Variants in RGPD4 observed in about 807,000 individuals in gnomAD.
RGPD4 encodes ranBP2-like and GRIP domain-containing protein 4.
In RGPD4, 84 loss-of-function variants were observed where a neutral mutation model predicts 141.1. The observed-to-expected ratio is 0.60, with a 90% CI of 0.50 to 0.71. The LOEUF (loss-of-function observed/expected upper bound fraction) is 0.71, where lower values mean the gene tolerates loss of function less well. Ranked by LOEUF, RGPD4 falls within the 30% of genes least tolerant of loss-of-function variation. The pLI is 0.00. For synonymous variants in RGPD4, 298 were observed against 566.8 expected, an observed-to-expected ratio of 0.53 and a Z score of 6.74; for missense variants, 918 against 1,622.4, an observed-to-expected ratio of 0.57 and a Z score of 7.46.
intron 17 of RGPD4, among the ~76,000 whole-genome samples, chr2:107,865,518 G>A (rs1234722836): frequency 1.3e-5 from 2 of 148,396 alleles, no homozygotes; most frequent in Non-Finnish European, 3.0e-5. Context: ...AAGAAGTTTA[G>A]TTTGTAGGTA....
intron 21 of RGPD4, among the ~76,000 whole-genome samples, chr2:107,881,510 G>A (rs1675365189): frequency 6.6e-6 from 1 of 151,376 alleles, no homozygotes; most frequent in African/African-American, 2.4e-5. Context: ...TAGAGGCATG[G>A]TTTCACCATG....
chr2:107,882,050 A>G (rs1675382153), intron 21 of RGPD4, among the ~76,000 whole-genome samples: 1 of 151,946 alleles, frequency 6.6e-6, no homozygotes, highest in Non-Finnish European at 1.5e-5. Context: ...TAGAAGGCAG[A>G]GGGAACATCT....
chr2:107,861,682 G>T lies in RGPD4; in HGVS notation c.2147G>T (p.Arg716Met). The T allele has an allele frequency of 6.2e-7, 1 of 1,602,446 alleles. No homozygotes were observed. The highest frequency in any genetic ancestry group is 8.5e-7 in the Non-Finnish European group (1 of 1,176,298). The change falls in exon 15 of 23, where the codon AGG becomes ATG. Residue 716 changes from arginine (R) to methionine (M), a missense_variant. Transcript: ENST00000408999. Reference sequence around the variant, plus strand: ...TGCAAAAATTATCTGAGAAAGACCAGGGGCTACCTAATAAAGATTTTAGAT... The same window carrying T: ...TGCAAAAATTATCTGAGAAAGACCATGGGCTACCTAATAAAGATTTTAGAT... ...EECKNYLRKT[R>M]GYLIKILDDS...
chr2:107,844,815 C>CTTGT (rs1681857685), intron 6 of RGPD4, among the ~76,000 whole-genome samples: 1 of 63,690 alleles, frequency 1.6e-5, no homozygotes, highest in South Asian at 6.5e-4. Flanking sequence ...TTCTTTCTTT[C>CTTGT]TTTCTTTCTT....
At chr2:107,886,824 A>T (rs1254848668) in intron 22 of RGPD4, among the ~76,000 whole-genome samples, 1 of 152,072 alleles carries the variant, frequency 6.6e-6, no homozygotes, top group East Asian at 1.9e-4. Flanking sequence ...ATCTCCTTGG[A>T]AGCAAATGTT....
chr2:107,873,649 C>T (rs933673838), intron 20 of RGPD4, among the ~76,000 whole-genome samples: 1 of 150,576 alleles, frequency 6.6e-6, no homozygotes, highest in East Asian at 2.0e-4. Flanking sequence ...CAGTCTTGCT[C>T]ATGTATTAAA....
rs1460137060 is a variant in RGPD4, at chr2:107,869,343, A to T, written c.2606-540A>T. ...AGTTTGTACATCTGTATGAGTGTTG[A>T]TGTGCTTTTTATTTTAAGCCAGGGA... On this transcript the variant is annotated intron_variant, in intron 18 of 22. Transcript: ENST00000408999. Among the ~76,000 whole-genome samples, 5 of 70,506 alleles carry T rather than the reference A, an allele frequency of 7.1e-5. 2 individuals carry two copies. Among genetic ancestry groups the T allele is most frequent in the Non-Finnish European group, 1.6e-4 (5 of 31,858 alleles). 46.3% of individuals were successfully genotyped at this position (70,506 alleles called of 152,430 possible).
intron 6 of RGPD4, among the ~76,000 whole-genome samples, chr2:107,847,863 T>G (rs1296058868): frequency 2.8e-4 from 35 of 123,428 alleles, no homozygotes; most frequent in Non-Finnish European, 5.2e-4. Flanking sequence ...TATTTAATGC[T>G]GTAATGATCT....
chr2:107,887,227 G>C (rs1421047482), intron 22 of RGPD4, among the ~76,000 whole-genome samples: 1 of 151,362 alleles, frequency 6.6e-6, no homozygotes, highest in Non-Finnish European at 1.5e-5. Flanking sequence ...CTGCATTTCA[G>C]CCTGGGCAAC....
At chr2:107,888,593 C>G (rs1436555151) in intron 22 of RGPD4, among the ~76,000 whole-genome samples, 1 of 151,758 alleles carries the variant, frequency 6.6e-6, no homozygotes, top group Admixed American at 6.6e-5. Context: ...TTTGTATAAT[C>G]TCTTCCCCTT....
chr2:107,879,985 G>A lies in RGPD4; in HGVS notation c.4942G>A (p.Ala1648Thr). 1.9e-6 allele frequency: 3 copies of A among 1,611,308 alleles called. No homozygotes were observed. The highest frequency in any genetic ancestry group is 2.5e-6 in the Non-Finnish European group (3 of 1,179,818). ...TPEKEPPLWH[A>T]EFTKEELVQK... is the part of the protein sequence containing the mutation. Reference sequence around the variant, plus strand: ...TGTTGCAGAGCCTCCATTATGGCATGCTGAATTTACCAAAGAAGAATTGGT... The same window carrying A: ...TGTTGCAGAGCCTCCATTATGGCATACTGAATTTACCAAAGAAGAATTGGT... The change falls in exon 21 of 23, where the codon GCT becomes ACT. Residue 1648 changes from alanine to threonine, a missense_variant. By Grantham distance (58) the Ala-to-Thr change is moderately conservative. Transcript: ENST00000408999.
At chr2:107,877,959 C>A (rs1420860311) in intron 20 of RGPD4, among the ~76,000 whole-genome samples, 1 of 151,364 alleles carries the variant, frequency 6.6e-6, no homozygotes, top group Non-Finnish European at 1.5e-5. Flanking sequence ...ATTACAGGCA[C>A]CTGCCACCGT....
In RGPD4 at chr2:107,827,909, CTCGACCTGGCCCGGAGGCG is replaced by C. The variant is rs1226000916; in HGVS notation, c.72+825_72+843del. ...CTCGACCTGGCCGGGCGGCGGCGGCCTCGACCTGGCCCGGAGGCGGCCTCGATGGCTCAGGCATCATGGC... is the reference window on the plus strand; with the variant it reads ...CTCGACCTGGCCGGGCGGCGGCGGCCGCCTCGATGGCTCAGGCATCATGGC... On this transcript the variant is annotated intron_variant, in intron 1 of 22. Transcript: ENST00000408999. Among the ~76,000 whole-genome samples, 5 of 19,066 alleles carry C rather than the reference CTCGACCTGGCCCGGAGGCG, an allele frequency of 2.6e-4. 1 individual carries two copies. The African/African-American group carries it at 3.1e-3, about 12-fold the overall frequency. The allele number at this position is 19,066 out of a possible 152,430, so 12.5% of individuals were successfully genotyped here.
chr2:107,871,262 A>C lies in RGPD4; in HGVS notation c.3258A>C (p.Lys1086Asn). 1 of 1,608,368 alleles carries C rather than the reference A, an allele frequency of 6.2e-7. No individual in the cohort carries two copies. Among genetic ancestry groups the C allele is most frequent in the Non-Finnish European group, 8.5e-7 (1 of 1,179,488 alleles). Residue 1086 changes from lysine (K) to asparagine (N), a missense_variant, in exon 20 of 23, where the codon AAA becomes AAC. By Grantham distance (94) the Lys-to-Asn change is moderately conservative. Transcript: ENST00000408999. The stretch of plus-strand genomic sequence containing the variant: ...AAGAAAGGGGCTTGGGGAACTTAAA[A>C]ATTCTCAAAAACGAGGTCAATGGCA... ...QWKERGLGNL[K>N]ILKNEVNGKP... is the part of the protein sequence containing the mutation.
Position 107,872,739 on chromosome 2 carries a change from A to C in RGPD4, c.4735A>C (p.Lys1579Gln), listed in dbSNP as rs997968609. 1.2e-6 allele frequency: 2 copies of C among 1,611,544 alleles called. No individual in the cohort carries two copies. Among genetic ancestry groups the C allele is most frequent in the African/African-American group, 2.7e-5 (2 of 74,504 alleles). ...TGGATTTAGTTTTAATGCATCTTTG[A>C]AAAGTAACAACAGTGAAACTAGTTC... ...LFGFSFNASL[K>Q]SNNSETSSVA... The change falls in exon 20 of 23, where the codon AAA (lysine) becomes CAA (glutamine). Residue 1579 changes from lysine (K) to glutamine (Q), a missense_variant. By Grantham distance (53) the Lys-to-Gln change is moderately conservative (BLOSUM62 1). Coordinates refer to ENST00000408999, the MANE Select transcript of RGPD4 (RefSeq NM_182588.3).
chr2:107,870,987 G>C lies in RGPD4; in HGVS notation c.2983G>C (p.Gly995Arg). The C allele has an allele frequency of 1.9e-6, 3 of 1,610,524 alleles. No individual in the cohort carries two copies. Among genetic ancestry groups the C allele is most frequent in the South Asian group, 1.1e-5 (1 of 90,940 alleles). Residue 995 changes from glycine (G) to arginine (R), a missense_variant, in exon 20 of 23, where the codon GGA becomes CGA. Coordinates refer to ENST00000408999, the MANE Select transcript of RGPD4 (RefSeq NM_182588.3). ...TGGCAAAAAAGACCCCAATTTCAAG[G>C]GATTTTCAGGTGCTGGAGAAAAATT... ...QFGKKDPNFK[G>R]FSGAGEKLFS... is the part of the protein sequence containing the mutation.
chr2:107,834,588 G>T (rs1681607417), intron 1 of RGPD4, among the ~76,000 whole-genome samples: 1 of 152,044 alleles, frequency 6.6e-6, no homozygotes, highest in Non-Finnish European at 1.5e-5. Flanking sequence ...GTATTGCAGT[G>T]CTTGTGTTCA....
chr2:107,833,236 TAAAA>T (rs1255725750), intron 1 of RGPD4, among the ~76,000 whole-genome samples: 9 of 144,314 alleles, frequency 6.2e-5, no homozygotes, highest in Non-Finnish European at 1.2e-4. Context: ...CCGTTTGAAT[TAAAA>T]AAAAAAAGAG....
chr2:107,859,560 T>C lies in RGPD4; in HGVS notation c.1634+6T>C. The stretch of plus-strand genomic sequence containing the variant: ...CTGATTCACAGAAAAGCAGTGTAAG[T>C]AGTAAAACAAAAATATTGCTTTCAC... On this transcript the variant is annotated splice_donor_region_variant and intron_variant, in intron 11 of 22. Coordinates refer to ENST00000408999, the MANE Select transcript of RGPD4 (RefSeq NM_182588.3). 8 of 1,611,568 alleles carry C rather than the reference T, an allele frequency of 5.0e-6. 1 individual carries two copies. Among genetic ancestry groups the C allele is most frequent in the South Asian group, 3.3e-5 (3 of 90,990 alleles).
Sources: allele counts gnomAD v4.1 joint callset (sites outside exome capture counted in the v4.1 genomes callset), GRCh38; gene constraint gnomAD v4.1.1; transcripts MANE v1.5; gene names NCBI Gene and HGNC (gene_info 2026-07-23, HGNC 2026-07-21).